Variants in ARMH3 observed in about 807,000 individuals in gnomAD.
The protein encoded by ARMH3 is armadillo like helical domain containing 3.
ARMH3 carries 60 observed loss-of-function variants against 99.1 expected under a neutral mutation model. The ratio of observed to expected loss-of-function variants is 0.61; its 90% CI spans 0.49 to 0.75. The LOEUF (loss-of-function observed/expected upper bound fraction) is 0.75, where lower values mean the gene tolerates loss of function less well. Ranked by LOEUF, ARMH3 falls within the 30% of genes least tolerant of loss-of-function variation. The probability of loss-of-function intolerance (pLI) is 0.00; values close to 1 mark genes in which losing one functional copy is unlikely to be tolerated. For missense variants in ARMH3, 679 were observed against 843.1 expected (o/e 0.81, Z 2.41); for synonymous variants, 285 against 292.8 (o/e 0.97, Z 0.27).
At chr10:101,862,012 G>A (rs1291925526) in intron 24 of ARMH3, among the ~76,000 whole-genome samples, 2 of 124,024 alleles carry the variant, frequency 1.6e-5, no homozygotes, top group East Asian at 2.4e-4. Context: ...TTGTGCCACT[G>A]CACTCCAGCC....
rs1178314138 is a variant in ARMH3 at position 101,944,265 on chromosome 10, TATATATATAGAGAGAGAGAGAGAGAG to T, written c.1706-4353_1706-4328del. Among the ~76,000 whole-genome samples, 538 of 56,280 alleles carry T rather than the reference TATATATATAGAGAGAGAGAGAGAGAG, an allele frequency of 9.6e-3. 1 individual carries two copies. The highest frequency in any genetic ancestry group is 0.086 in the East Asian group (110 of 1,276). 36.9% of individuals were successfully genotyped at this position (56,280 alleles called of 152,430 possible). On this transcript the variant is annotated intron_variant, in intron 22 of 25. Coordinates refer to ENST00000370033, the MANE Select transcript of ARMH3 (RefSeq NM_024541.3). Reference sequence around the variant, plus strand: ...GCCTATATATATATATATATATATATATATATATAGAGAGAGAGAGAGAGAGAGAGAGAGAGAGAGAGAGAGAGAGA... The same window carrying T: ...GCCTATATATATATATATATATATATAGAGAGAGAGAGAGAGAGAGAGAGA...
chr10:101,849,734 G>T, intron 25 of ARMH3, 42 bp downstream of exon 25: 2 of 1,543,718 alleles, frequency 1.3e-6, no homozygotes, highest in Non-Finnish European at 1.8e-6. Flanking sequence ...AGTGGCTGGG[G>T]GCGGGCCCCT....
At chr10:101,868,843 A>T (rs532450046) in intron 24 of ARMH3, among the ~76,000 whole-genome samples, 1 of 152,306 alleles carries the variant, frequency 6.6e-6, no homozygotes, top group South Asian at 2.1e-4. Flanking sequence ...AGGCCAAGGC[A>T]GGTGGATCAC....
intron 1 of ARMH3, among the ~76,000 whole-genome samples, chr10:102,048,844 C>G (rs184491779): frequency 6.6e-5 from 10 of 152,104 alleles, no homozygotes; most frequent in African/African-American, 2.2e-4. Flanking sequence ...TTTAAAAAAC[C>G]TTTACGCAAA....
At chr10:102,006,822 T>C (rs1554888136) in intron 13 of ARMH3, among the ~76,000 whole-genome samples, 189 bp from the exon 14 acceptor site, 1 of 151,972 alleles carries the variant, frequency 6.6e-6, no homozygotes, top group Non-Finnish European at 1.5e-5. Flanking sequence ...CAGCCTCCTG[T>C]GTACGTAGGA....
chr10:102,011,615 C>T, intron 11 of ARMH3, 108 bp downstream of exon 11: 1 of 853,658 alleles, frequency 1.2e-6, no homozygotes, highest in South Asian at 1.8e-5. Flanking sequence ...TCTCTCTTGT[C>T]ATCATGCCAT....
At chr10:101,878,805 T>A (rs1367642257) in intron 24 of ARMH3, among the ~76,000 whole-genome samples, 3 of 151,698 alleles carry the variant, frequency 2.0e-5, no homozygotes, top group African/African-American at 7.3e-5. Flanking sequence ...CCAGCCTGCA[T>A]GACAGAACAA....
intron 24 of ARMH3, among the ~76,000 whole-genome samples, chr10:101,886,899 G>A (rs2067561031): frequency 6.6e-6 from 1 of 152,056 alleles, no homozygotes. Context: ...TTTATTTTAG[G>A]GGTACTTTAG....
chr10:101,907,668 G>A (rs1456316461), intron 23 of ARMH3, among the ~76,000 whole-genome samples: 5 of 152,304 alleles, frequency 3.3e-5, no homozygotes, highest in African/African-American at 1.2e-4. Flanking sequence ...ACAGGCGTGA[G>A]CCACCGTGCT....
chr10:101,898,486 CAATA>C (rs1278486491), intron 23 of ARMH3, among the ~76,000 whole-genome samples: 12 of 152,064 alleles, frequency 7.9e-5, no homozygotes, highest in Admixed American at 7.2e-4. Context: ...TTTAATGAAA[CAATA>C]AATAAATAGT....
chr10:102,034,905 T>C (rs1016410446), intron 2 of ARMH3, among the ~76,000 whole-genome samples: 50 of 151,122 alleles, frequency 3.3e-4, no homozygotes, highest in African/African-American at 1.2e-3. Context: ...CAAAACTCCA[T>C]CTCAAAAACA....
chr10:101,866,143 C>T (rs1052044036), intron 24 of ARMH3, among the ~76,000 whole-genome samples: 1 of 151,752 alleles, frequency 6.6e-6, no homozygotes, highest in African/African-American at 2.4e-5. Flanking sequence ...ATCACTTGAA[C>T]CCAGGAGGTG....
intron 20 of ARMH3, among the ~76,000 whole-genome samples, chr10:101,968,361 T>A (rs1185749909): frequency 2.0e-5 from 3 of 152,178 alleles, no homozygotes; most frequent in Admixed American, 6.5e-5. Context: ...AGTGGAGCCA[T>A]CTGACACAGA....
chr10:101,904,950 CA>C (rs34831483), intron 23 of ARMH3, among the ~76,000 whole-genome samples: 314 of 91,492 alleles, frequency 3.4e-3, no homozygotes, highest in African/African-American at 7.6e-3. Flanking sequence ...GACTCCATCT[CA>C]AAAAAAAAAA....
chr10:101,966,633 A>G (rs1402097406), intron 20 of ARMH3, among the ~76,000 whole-genome samples: 1 of 151,966 alleles, frequency 6.6e-6, no homozygotes, highest in Admixed American at 6.6e-5. Context: ...CCCAACACAC[A>G]CCCCACAAGG....
intron 23 of ARMH3, among the ~76,000 whole-genome samples, chr10:101,924,523 G>A (rs1169940527): frequency 2.0e-5 from 3 of 151,214 alleles, no homozygotes; most frequent in Non-Finnish European, 4.4e-5. Flanking sequence ...CACCATGCCT[G>A]GCTTTTTTTT....
intron 22 of ARMH3, among the ~76,000 whole-genome samples, chr10:101,948,630 G>A (rs958941848): frequency 6.6e-6 from 1 of 151,252 alleles, no homozygotes; most frequent in Admixed American, 6.6e-5. Context: ...GAACCAAAAG[G>A]GGAAAACAGA....
chr10:101,893,711 G>C (rs2067749878), intron 23 of ARMH3, among the ~76,000 whole-genome samples: 1 of 151,950 alleles, frequency 6.6e-6, no homozygotes, highest in African/African-American at 2.4e-5. Flanking sequence ...AGGGGAAAAG[G>C]AAAGAGGAAA....
At chr10:101,882,790 C>T (rs2067450955) in intron 24 of ARMH3, among the ~76,000 whole-genome samples, 1 of 152,176 alleles carries the variant, frequency 6.6e-6, no homozygotes, top group African/African-American at 2.4e-5. Context: ...AGCCACCACA[C>T]CCAGCCTAAG....
Sources: gnomAD v4.1 joint callset for allele counts (sites outside exome capture counted in the v4.1 genomes callset) on GRCh38, gnomAD v4.1.1 for gene constraint, MANE v1.5 for transcripts, NCBI Gene and HGNC (gene_info 2026-07-23, HGNC 2026-07-21) for gene names.